Variants in AKAP6 observed in about 807,000 individuals in gnomAD.
AKAP6 encodes the protein A-kinase anchor protein 6.
A neutral mutation model predicts 188.5 loss-of-function variants in AKAP6; 58 were observed. That is an observed-to-expected ratio of 0.31 (90% CI 0.25 to 0.38). The LOEUF is 0.38. AKAP6 is among the 10% of genes least tolerant of loss of function. AKAP6 has a pLI of 1.00. For synonymous variants in AKAP6, 989 were observed against 998.6 expected (o/e 0.99, Z 0.18); for missense variants, 2,710 against 2,740.0 (o/e 0.99, Z 0.24).
At chr14:32,515,197 G>A (rs998787770) in intron 2 of AKAP6, among the ~76,000 whole-genome samples, 3 of 152,074 alleles carry the variant, frequency 2.0e-5, no homozygotes, top group African/African-American at 7.2e-5. Context: ...CTTGTGCAGG[G>A]GAACTTCCAT....
intron 12 of AKAP6, among the ~76,000 whole-genome samples, chr14:32,774,889 T>A (rs533571204): frequency 1.3e-5 from 2 of 152,330 alleles, no homozygotes; most frequent in Middle Eastern, 6.8e-3. Flanking sequence ...CTCCTATGAA[T>A]TCTGATTTTA....
In AKAP6 at chr14:32,823,656, C is replaced by T. The variant is rs769646670; in HGVS notation, c.5843C>T (p.Ala1948Val). The stretch of plus-strand genomic sequence containing the variant: ...GATAGTTTAGATGATTCAAATACTG[C>T]TGGCAAGGAATTTGTTTCCCAAGAT... ...LMDSLDDSNTAGKEFVSQDVR... is the reference protein window; with the variant it reads ...LMDSLDDSNTVGKEFVSQDVR... The change falls in exon 13 of 14, where the codon GCT becomes GTT. Residue 1948 changes from alanine (A) to valine (V), a missense_variant. Around this residue, in one of 2 missense-constraint regions of AKAP6, gnomAD observed 2,473 missense variants for 2,426.1 expected, o/e 1.02. Coordinates refer to ENST00000280979, the MANE Select transcript of AKAP6 (RefSeq NM_004274.5). The T allele has an allele frequency of 6.2e-7, 1 of 1,613,790 alleles. No homozygotes were observed. The highest frequency in any genetic ancestry group is 1.3e-5 in the African/African-American group (1 of 74,996).
At chr14:32,623,930 A>G (rs1886912211) in intron 7 of AKAP6, among the ~76,000 whole-genome samples, 1 of 152,124 alleles carries the variant, frequency 6.6e-6, no homozygotes, top group African/African-American at 2.4e-5. Context: ...TGGGGGAATA[A>G]GTGTTTGGCA....
At chr14:32,430,001 T>C (rs1013442457) in intron 1 of AKAP6, among the ~76,000 whole-genome samples, 24 of 152,222 alleles carry the variant, frequency 1.6e-4, no homozygotes, top group African/African-American at 5.3e-4. Flanking sequence ...GAATCTCCCA[T>C]GTTTGTTCCT....
intron 11 of AKAP6, among the ~76,000 whole-genome samples, chr14:32,772,972 T>C (rs2032944829): frequency 1.3e-5 from 2 of 152,360 alleles, no homozygotes; most frequent in South Asian, 4.1e-4. Context: ...TTAGGGTCAC[T>C]GCAGCAATAC....
intron 5 of AKAP6, among the ~76,000 whole-genome samples, chr14:32,585,361 C>T (rs1885186797): frequency 6.6e-6 from 1 of 152,188 alleles, no homozygotes; most frequent in South Asian, 2.1e-4. Context: ...AGTATAGTTG[C>T]ATAGATAGCA....
intron 12 of AKAP6, among the ~76,000 whole-genome samples, chr14:32,810,161 C>T (rs920661072): frequency 6.6e-5 from 10 of 152,056 alleles, no homozygotes; most frequent in Non-Finnish European, 1.0e-4. Context: ...TAGCTCAAGG[C>T]CCCATATCTT....
chr14:32,535,679 C>G lies in AKAP6; in HGVS notation c.450C>G (p.Leu150=), dbSNP rs1882640510. ...TGGACATCCACGCAGTGCAGCTCCT[C>G]TGGCACCAGCTTCGAGTCTCAGTGC... The part of the protein sequence containing the change: ...VIVDIHAVQL[L]WHQLRVSVLV... The change falls in exon 3 of 14, where the codon CTC becomes CTG. Residue 150 remains leucine, a synonymous_variant. Coordinates refer to ENST00000280979, the MANE Select transcript of AKAP6 (RefSeq NM_004274.5). The G allele has an allele frequency of 6.2e-7, 1 of 1,614,252 alleles. No homozygotes were observed. The highest frequency in any genetic ancestry group is 1.3e-5 in the African/African-American group (1 of 75,084).
rs371096536 is a variant in AKAP6, at chr14:32,828,516, C to T, written c.*43-1332C>T. Reference sequence around the variant, plus strand: ...CATCACCTATCATCTATCTCTCTCTCTCTCTCTCTCTCTCACACACACACA... The same window carrying T: ...CATCACCTATCATCTATCTCTCTCTTTCTCTCTCTCTCTCACACACACACA... On this transcript the variant is annotated intron_variant, in intron 13 of 13. Coordinates refer to ENST00000280979, the MANE Select transcript of AKAP6 (RefSeq NM_004274.5). Among the ~76,000 whole-genome samples the T allele has an allele frequency of 3.9e-3, 120 of 30,974 alleles. 1 individual carries two copies. The highest frequency in any genetic ancestry group is 8.6e-3 in the African/African-American group (117 of 13,664). The allele number at this position is 30,974 out of a possible 152,430, so 20.3% of individuals were successfully genotyped here.
intron 1 of AKAP6, among the ~76,000 whole-genome samples, chr14:32,345,503 T>C (rs1054623166): frequency 6.6e-6 from 1 of 152,248 alleles, no homozygotes; most frequent in Admixed American, 6.5e-5. Flanking sequence ...TCAGACATGT[T>C]TGGGCATGTC....
At chr14:32,566,592 A>G (rs1884201025) in intron 4 of AKAP6, among the ~76,000 whole-genome samples, 1 of 152,144 alleles carries the variant, frequency 6.6e-6, no homozygotes, top group African/African-American at 2.4e-5. Flanking sequence ...AACTCTCAAT[A>G]AATTTTTTTT....
rs75042124 is a variant in AKAP6 at position 32,550,554 on chromosome 14, G to A, written c.2346+3555G>A. Among the ~76,000 whole-genome samples, 1,066 of 152,278 alleles carry A rather than the reference G, an allele frequency of 7.0e-3. 14 individuals are homozygous for A. The highest frequency in any genetic ancestry group is 0.024 in the African/African-American group (1,005 of 41,548). On this transcript the variant is annotated intron_variant, in intron 4 of 13. Transcript: ENST00000280979. ...TGTATATGACTTTATGATATGCAGC[G>A]CTCTCCCGCATGCTCTCCCTTACTA...
At chr14:32,657,574 A>G (rs79088329) in intron 7 of AKAP6, among the ~76,000 whole-genome samples, 2,668 of 152,224 alleles carry the variant, frequency 0.018, 32 homozygotes, top group Non-Finnish European at 0.023. Context: ...ATATTGCCTT[A>G]TATCCAGCAC....
chr14:32,556,206 A>T lies in AKAP6; in HGVS notation c.2346+9207A>T, dbSNP rs116850463. ...TTTGATTTCCACTTCTCTGATGAAT[A>T]ATGATGTTCAGCATCTTTCCATATA... is the stretch of plus-strand genomic sequence containing the variant. On this transcript the variant is annotated intron_variant, in intron 4 of 13. Coordinates refer to ENST00000280979, the MANE Select transcript of AKAP6 (RefSeq NM_004274.5). Among the ~76,000 whole-genome samples, 734 of 152,314 alleles carry T rather than the reference A, an allele frequency of 4.8e-3. 5 individuals carry two copies. Among genetic ancestry groups the T allele is most frequent in the East Asian group, 0.013 (68 of 5,192 alleles).
intron 1 of AKAP6, among the ~76,000 whole-genome samples, chr14:32,351,757 G>T (rs900285253): frequency 1.3e-5 from 2 of 151,924 alleles, no homozygotes; most frequent in South Asian, 2.1e-4. Flanking sequence ...ATATATATGT[G>T]TGTGTATGTA....
At chr14:32,760,906 G>C (rs1566692700) in intron 11 of AKAP6, among the ~76,000 whole-genome samples, 1 of 152,122 alleles carries the variant, frequency 6.6e-6, no homozygotes, top group Admixed American at 6.5e-5. Flanking sequence ...TATTTGAAGA[G>C]TATTTTGCTG....
intron 1 of AKAP6, among the ~76,000 whole-genome samples, chr14:32,370,681 T>C (rs1358417538): frequency 1.3e-5 from 2 of 152,184 alleles, no homozygotes; most frequent in African/African-American, 2.4e-5. Context: ...CTGTAAACAA[T>C]GGAGTGGTGG....
At chr14:32,400,510 A>G (rs971285011) in intron 1 of AKAP6, among the ~76,000 whole-genome samples, 1 of 120,980 alleles carries the variant, frequency 8.3e-6, no homozygotes, top group African/African-American at 3.0e-5. Flanking sequence ...TTTATGCAGC[A>G]TTTCCAGGTG....
chr14:32,746,820 G>T (rs192857146), intron 11 of AKAP6, among the ~76,000 whole-genome samples: 3 of 152,274 alleles, frequency 2.0e-5, no homozygotes. Context: ...AAAGAGAAAA[G>T]CACATAGTTT....
Sources: allele counts gnomAD v4.1 joint callset (sites outside exome capture counted in the v4.1 genomes callset), GRCh38; gene constraint gnomAD v4.1.1; regional missense constraint gnomAD v4.1.1; transcripts MANE v1.5; gene names NCBI Gene and HGNC (gene_info 2026-07-23, HGNC 2026-07-21).